Variants in SCAPER observed in about 807,000 individuals in gnomAD.
The protein encoded by SCAPER is S phase cyclin A-associated protein in the endoplasmic reticulum.
Under a neutral mutation model 182.2 loss-of-function variants are expected in SCAPER, and 98 were observed. The ratio of observed to expected loss-of-function variants is 0.54; its 90% CI spans 0.46 to 0.64. The LOEUF is 0.64. Among genes scored for constraint, SCAPER ranks in the 30% least tolerant of loss-of-function variants. The pLI is 0.00. For synonymous variants in SCAPER, 605 were observed against 564.6 expected, an observed-to-expected ratio of 1.07 and a Z score of -1.01; for missense variants, 1,432 against 1,690.0, an observed-to-expected ratio of 0.85 and a Z score of 2.68.
intron 26 of SCAPER, among the ~76,000 whole-genome samples, chr15:76,418,119 G>T (rs1029491317): frequency 6.6e-6 from 1 of 152,174 alleles, no homozygotes; most frequent in Non-Finnish European, 1.5e-5. Context: ...CCAACAGGAA[G>T]TGACCAAAAC....
At chr15:76,724,750 T>C (rs1459156003) in intron 17 of SCAPER, among the ~76,000 whole-genome samples, 3 of 152,230 alleles carry the variant, frequency 2.0e-5, no homozygotes, top group African/African-American at 7.2e-5. Flanking sequence ...TGTCACGTAG[T>C]TCTCGTGCCA....
At chr15:76,461,322 T>C (rs1454212401) in intron 25 of SCAPER, among the ~76,000 whole-genome samples, 1 of 142,264 alleles carries the variant, frequency 7.0e-6, no homozygotes, top group Non-Finnish European at 1.6e-5. Flanking sequence ...GAAGTTACTA[T>C]TACCCAACTT....
At chr15:76,889,877 A>G (rs1456965824) in intron 1 of SCAPER, among the ~76,000 whole-genome samples, 2 of 152,354 alleles carry the variant, frequency 1.3e-5, no homozygotes, top group East Asian at 3.9e-4. Flanking sequence ...CATTCTTCTC[A>G]GCACCACGTT....
chr15:76,533,355 G>A (rs1176244147), intron 23 of SCAPER, among the ~76,000 whole-genome samples: 2 of 152,122 alleles, frequency 1.3e-5, no homozygotes, highest in Non-Finnish European at 1.5e-5. Context: ...TATTTTTACT[G>A]TATCTTTTCT....
chr15:76,675,503 G>A (rs2057316720), intron 20 of SCAPER, among the ~76,000 whole-genome samples: 1 of 152,116 alleles, frequency 6.6e-6, no homozygotes, highest in South Asian at 2.1e-4. Context: ...TTATGTCTGA[G>A]GCTATGGAAC....
intron 24 of SCAPER, among the ~76,000 whole-genome samples, chr15:76,474,577 A>T (rs2050468528): frequency 6.6e-6 from 1 of 152,194 alleles, no homozygotes; most frequent in African/African-American, 2.4e-5. Context: ...TTCACCTATA[A>T]AACTGGAATA....
At chr15:76,352,322 A>G (rs770140786) in intron 30 of SCAPER, among the ~76,000 whole-genome samples, 1 of 151,664 alleles carries the variant, frequency 6.6e-6, no homozygotes, top group Non-Finnish European at 1.5e-5. Flanking sequence ...CACTTTAATG[A>G]AAGATCTGTG....
At chr15:76,732,793 C>T (rs557464277) in intron 16 of SCAPER, among the ~76,000 whole-genome samples, 1 of 152,168 alleles carries the variant, frequency 6.6e-6, no homozygotes, top group Non-Finnish European at 1.5e-5. Flanking sequence ...TTGGCTCTGC[C>T]TTTTAGAAAG....
At chr15:76,457,368 T>C (rs1047000973) in intron 25 of SCAPER, among the ~76,000 whole-genome samples, 6 of 152,230 alleles carry the variant, frequency 3.9e-5, no homozygotes, top group South Asian at 2.1e-4. Context: ...CAGCTGGCTT[T>C]ATACATTTAA....
At chr15:76,395,658 T>C (rs1567053471) in intron 27 of SCAPER, among the ~76,000 whole-genome samples, 1 of 152,226 alleles carries the variant, frequency 6.6e-6, no homozygotes, top group South Asian at 2.1e-4. Flanking sequence ...TTTTGAGAAA[T>C]GTCTCTTCAG....
chr15:76,841,783 T>G lies in SCAPER; in HGVS notation c.344A>C (p.Asp115Ala), dbSNP rs1386403531. The G allele has an allele frequency of 1.9e-6, 3 of 1,613,940 alleles. No individual in the cohort carries two copies. The highest frequency in any genetic ancestry group is 1.7e-5 in the Admixed American group (1 of 59,952). ...FLFDNLRRAV[D>A]EIYVTCESDQ... ...TGATTCGCAAGTTACATAGATTTCATCTACTGCTCGGCGAAGATTATCAAA... is the reference window on the plus strand; with the variant it reads ...TGATTCGCAAGTTACATAGATTTCAGCTACTGCTCGGCGAAGATTATCAAA... The change falls in exon 5 of 32, where the codon GAT (aspartate) becomes GCT (alanine). Residue 115 changes from aspartate (D) to alanine (A), a missense_variant. This residue lies in a region of SCAPER where 480 missense variants were observed against 510.2 expected (regional missense o/e 0.94). Coordinates refer to ENST00000563290, the MANE Select transcript of SCAPER (RefSeq NM_020843.4).
At chr15:76,692,665 G>A (rs1307397831) in intron 20 of SCAPER, among the ~76,000 whole-genome samples, 9 of 144,484 alleles carry the variant, frequency 6.2e-5, no homozygotes, top group African/African-American at 2.0e-4. Context: ...CTCCAGCCTG[G>A]GTGACAGAGC....
chr15:76,513,520 G>A (rs1472733736), intron 23 of SCAPER, among the ~76,000 whole-genome samples: 1 of 152,110 alleles, frequency 6.6e-6, no homozygotes, highest in Non-Finnish European at 1.5e-5. Flanking sequence ...TACCTTATAT[G>A]CAAATCTAAA....
intron 20 of SCAPER, among the ~76,000 whole-genome samples, chr15:76,677,014 T>C (rs1337801619): frequency 6.6e-6 from 1 of 152,068 alleles, no homozygotes; most frequent in Non-Finnish European, 1.5e-5. Flanking sequence ...TGTATAGACA[T>C]CACTTATCTT....
At chr15:76,876,182 G>A (rs910184326) in intron 2 of SCAPER, among the ~76,000 whole-genome samples, 6 of 152,082 alleles carry the variant, frequency 3.9e-5, no homozygotes, top group African/African-American at 7.2e-5. Flanking sequence ...CCTGGTTCCC[G>A]CCCGTGCCTC....
At chr15:76,858,515 A>G (rs1218294715) in intron 3 of SCAPER, among the ~76,000 whole-genome samples, 1 of 152,010 alleles carries the variant, frequency 6.6e-6, no homozygotes, top group African/African-American at 2.4e-5. Context: ...TTTGCTATAC[A>G]GGCAAATTAC....
At chr15:76,611,847 T>A (rs1567596922) in intron 22 of SCAPER, among the ~76,000 whole-genome samples, 1 of 152,116 alleles carries the variant, frequency 6.6e-6, no homozygotes, top group East Asian at 1.9e-4. Flanking sequence ...AAAAACCACA[T>A]GATTATCTCA....
At chr15:76,716,529 A>T (rs1317708107) in intron 17 of SCAPER, among the ~76,000 whole-genome samples, 1 of 152,170 alleles carries the variant, frequency 6.6e-6, no homozygotes, top group Non-Finnish European at 1.5e-5. Flanking sequence ...AACTCAGTGA[A>T]ACATAAGAGA....
chr15:76,716,179 A>G (rs1172480763), intron 17 of SCAPER, among the ~76,000 whole-genome samples: 2 of 152,144 alleles, frequency 1.3e-5, no homozygotes, highest in African/African-American at 4.8e-5. Flanking sequence ...CCAGACCACT[A>G]AGGCACTCAC....
Sources: gnomAD v4.1 joint callset for allele counts (sites outside exome capture counted in the v4.1 genomes callset) on GRCh38, gnomAD v4.1.1 for gene constraint, gnomAD v4.1.1 regional missense constraint, MANE v1.5 for transcripts, NCBI Gene and HGNC (gene_info 2026-07-23, HGNC 2026-07-21) for gene names.